The following GPM6B variants were observed in gnomAD, a reference collection of about 807,000 sequenced individuals.
The protein encoded by GPM6B is glycoprotein M6B.
In GPM6B, 4 loss-of-function variants were observed where a neutral mutation model predicts 27.2. The ratio of observed to expected loss-of-function variants is 0.15; its 90% CI spans 0.07 to 0.34. GPM6B has a LOEUF of 0.34. Ranked by LOEUF, GPM6B falls within the 10% of genes least tolerant of loss-of-function variation. The pLI is 1.00. For missense variants in GPM6B, 183 were observed against 261.9 expected (o/e 0.70, Z 2.08); for synonymous variants, 124 against 103.1 (o/e 1.20, Z -1.23).
At chrX:13,872,906 G>C (rs2049994889) in intron 1 of GPM6B, among the ~76,000 whole-genome samples, 1 of 111,097 alleles carries the variant, frequency 9.0e-6, no homozygotes, top group African/African-American at 3.3e-5. Context: ...CCCTGAGAGG[G>C]AGTGCCCCCT....
At position 13,817,065 on chromosome X, in the gene GPM6B, A is replaced by G. The variant is rs186432372; in HGVS notation, c.-161T>C. ...TAGATTACAGTCCCTTCCAAGATGC[A>G]AAAGTCTTGTCAGCGTCAATTTCGC... On this transcript the variant is annotated 5_prime_UTR_variant, in exon 1 of 8. Coordinates refer to ENST00000316715, the MANE Select transcript of GPM6B (RefSeq NM_001001995.3). 10,975 of 1,037,873 alleles carry G rather than the reference A, an allele frequency of 0.011. 53 individuals carry two copies. Among genetic ancestry groups the G allele is most frequent in the Non-Finnish European group, 0.011 (9,288 of 813,520 alleles). The allele number at this position is 1,037,873 out of a possible 1,213,427, so 85.5% of individuals were successfully genotyped here. A position where few individuals can be genotyped will look rare whatever the true frequency, so the allele number is the denominator to read the frequency against.
intron 1 of GPM6B, among the ~76,000 whole-genome samples, chrX:13,911,112 T>C (rs1014467995): frequency 1.3e-4 from 15 of 112,204 alleles, no homozygotes; most frequent in Non-Finnish European, 5.6e-5. Context: ...AATTTAGAAG[T>C]AACTGGTATT....
chrX:13,774,162 C>T, intron 7 of GPM6B: 1 of 760,743 alleles, frequency 1.3e-6, no homozygotes, highest in East Asian at 1.4e-4. Flanking sequence ...ATCTTCAGCA[C>T]TTGTTTTCAT....
intron 2 of GPM6B, among the ~76,000 whole-genome samples, chrX:13,790,040 G>A (rs1215526421): frequency 1.8e-5 from 2 of 111,451 alleles, no homozygotes; most frequent in East Asian, 5.7e-4. Context: ...TTTTTGTAGT[G>A]ACAGGGTCTC....
chrX:13,927,230 C>A (rs1921262000), intron 1 of GPM6B, among the ~76,000 whole-genome samples: 1 of 110,954 alleles, frequency 9.0e-6, no homozygotes, highest in Non-Finnish European at 1.9e-5. Context: ...AACAATGTGA[C>A]AATAGCAAAT....
At chrX:13,877,644 A>G (rs1391183771) in intron 1 of GPM6B, among the ~76,000 whole-genome samples, 1 of 99,697 alleles carries the variant, frequency 1.0e-5, no homozygotes, top group Non-Finnish European at 2.0e-5. Context: ...CAACATGGCA[A>G]AATCCCATCT....
chrX:13,799,509 C>A, intron 2 of GPM6B, among the ~76,000 whole-genome samples: 1 of 109,531 alleles, frequency 9.1e-6, no homozygotes, highest in Non-Finnish European at 1.9e-5. Context: ...CTGCTGAGCT[C>A]CTATGCAACT....
chrX:13,808,185 T>C (rs2049059245), intron 1 of GPM6B, among the ~76,000 whole-genome samples: 1 of 112,562 alleles, frequency 8.9e-6, no homozygotes, highest in Non-Finnish European at 1.9e-5. Flanking sequence ...TCTGTAAGGG[T>C]ACCCAGCTCT....
chrX:13,839,057 T>C (rs1464185211), intron 1 of GPM6B, among the ~76,000 whole-genome samples: 1 of 111,467 alleles, frequency 9.0e-6, no homozygotes, highest in Non-Finnish European at 1.9e-5. Context: ...AACAGAATAT[T>C]TGTAGGTCCC....
chrX:13,799,099 A>G (rs2048868873), intron 2 of GPM6B, among the ~76,000 whole-genome samples: 1 of 110,281 alleles, frequency 9.1e-6, no homozygotes, highest in African/African-American at 3.3e-5. Flanking sequence ...TGTGAAGCTC[A>G]GGCTGAGAAC....
rs138766288 is a variant in GPM6B, at chrX:13,868,830, A to T, written c.-198+69497T>A. The stretch of plus-strand genomic sequence containing the variant: ...TGGTTATGGATTTGGACATAACATA[A>T]CCCACATTTTTTCCCTCTCTGGGAC... On this transcript the variant is annotated intron_variant, in intron 1 of 6. Coordinates refer to the GPM6B transcript ENST00000398361. Among the ~76,000 whole-genome samples the T allele has an allele frequency of 4.8e-3, 544 of 112,371 alleles. 7 individuals are homozygous for T. Among genetic ancestry groups the T allele is most frequent in the Admixed American group, 0.041 (434 of 10,626 alleles).
chrX:13,815,097 A>G (rs1028163277), intron 1 of GPM6B, among the ~76,000 whole-genome samples: 1 of 112,041 alleles, frequency 8.9e-6, no homozygotes, highest in Non-Finnish European at 1.9e-5. Context: ...ATAGCAGTCC[A>G]TAAGACTAAG....
chrX:13,867,266 C>T (rs1434269298), intron 1 of GPM6B, among the ~76,000 whole-genome samples: 1 of 110,989 alleles, frequency 9.0e-6, no homozygotes, highest in Non-Finnish European at 1.9e-5. Flanking sequence ...TGTGCCACTA[C>T]GCCTGGCTAA....
At position 13,874,944 on chromosome X, in the gene GPM6B, C is replaced by G. The variant is rs191125575; in HGVS notation, c.-198+63383G>C. ...ACTCCATACACATACCAATCCCCCC[C>G]CCACCCCCGCTTCAAACTCTCCCTC... On this transcript the variant is annotated intron_variant, in intron 1 of 6. Coordinates refer to the GPM6B transcript ENST00000398361. Among the ~76,000 whole-genome samples the G allele has an allele frequency of 4.8e-3, 498 of 102,898 alleles. 2 individuals are homozygous for G. The highest frequency in any genetic ancestry group is 9.6e-3 in the Middle Eastern group (2 of 209). 89.4% of individuals were successfully genotyped at this position (102,898 alleles called of 115,157 possible). A position where few individuals can be genotyped will look rare whatever the true frequency, so the allele number is the denominator to read the frequency against.
intron 2 of GPM6B, 36 bp from the exon 3 acceptor site, chrX:13,785,844 G>A (rs771878049): frequency 9.2e-7 from 1 of 1,085,709 alleles, no homozygotes; most frequent in South Asian, 2.0e-5. Context: ...GCCGTTACGG[G>A]CAAGAACACC....
chrX:13,844,661 T>C (rs1241442840), intron 1 of GPM6B, among the ~76,000 whole-genome samples: 6 of 111,749 alleles, frequency 5.4e-5, no homozygotes, highest in African/African-American at 2.0e-4. Context: ...TCCAGATCAA[T>C]GCCGGGATCT....
chrX:13,802,021 G>A (rs988335529), intron 2 of GPM6B, among the ~76,000 whole-genome samples: 1 of 111,132 alleles, frequency 9.0e-6, no homozygotes, highest in Non-Finnish European at 1.9e-5. Flanking sequence ...CACCCAAAAG[G>A]ACACAGCCTG....
intron 1 of GPM6B, among the ~76,000 whole-genome samples, chrX:13,873,326 G>A (rs1012516571): frequency 3.6e-5 from 4 of 110,817 alleles, no homozygotes; most frequent in African/African-American, 1.3e-4. Flanking sequence ...GAGAGCGACA[G>A]AGAGTGGCCT....
chrX:13,913,137 CCTGT>C (rs754297621), intron 1 of GPM6B, among the ~76,000 whole-genome samples: 45 of 111,314 alleles, frequency 4.0e-4, no homozygotes, highest in African/African-American at 5.6e-4. Flanking sequence ...CCCAGTCTTC[CCTGT>C]CTGTCTGTCT....
Sources: gnomAD v4.1 joint callset for allele counts (sites outside exome capture counted in the v4.1 genomes callset) on GRCh38, gnomAD v4.1.1 for gene constraint, MANE v1.5 for transcripts, NCBI Gene and HGNC (gene_info 2026-07-23, HGNC 2026-07-21) for gene names.